The following GLIS3 variants were observed in gnomAD, a reference collection of about 807,000 sequenced individuals.
The protein encoded by GLIS3 is GLIS family zinc finger 3.
A neutral mutation model predicts 78.6 loss-of-function variants in GLIS3; 53 were observed. That is an observed-to-expected ratio of 0.67 (90% CI 0.54 to 0.85). The LOEUF (loss-of-function observed/expected upper bound fraction) is 0.85. Ranked by LOEUF, GLIS3 falls within the 40% of genes least tolerant of loss-of-function variation. GLIS3 has a pLI of 0.00. For synonymous variants in GLIS3, 684 were observed against 509.9 expected (o/e 1.34, Z -4.60); for missense variants, 1,703 against 1,231.1 (o/e 1.38, Z -5.74).
At chr9:3,833,228 C>G (rs905065487) in intron 9 of GLIS3, among the ~76,000 whole-genome samples, 3 of 152,170 alleles carry the variant, frequency 2.0e-5, no homozygotes, top group African/African-American at 7.2e-5. Flanking sequence ...TAACAGCCAA[C>G]TCAAGAAAAG....
rs575049367 is a variant in GLIS3 at position 3,967,387 on chromosome 9, C to T, written c.1711-30198G>A. ...GCGTGGTTGCACGTGCCTGTAGTCC[C>T]AGCTACTCAGGAGGCTAAGGCAGGA... On this transcript the variant is annotated intron_variant, in intron 4 of 10. Transcript: ENST00000381971. Among the ~76,000 whole-genome samples, 9 of 152,146 alleles carry T rather than the reference C, an allele frequency of 5.9e-5. No individual in the cohort carries two copies. In the East Asian group the frequency reaches 1.7e-3, roughly 29 times the overall value.
chr9:4,464,884 T>C, the GLIS3 span, among the ~76,000 whole-genome samples: 1 of 152,266 alleles, frequency 6.6e-6, no homozygotes, highest in East Asian at 1.9e-4. Flanking sequence ...GAAAGACACA[T>C]GTGAATATGA....
intron 4 of GLIS3, among the ~76,000 whole-genome samples, chr9:4,020,794 A>T (rs965278468): frequency 6.6e-6 from 1 of 152,248 alleles, no homozygotes; most frequent in Non-Finnish European, 1.5e-5. Flanking sequence ...AATTACCAGC[A>T]GCACACATGG....
At chr9:4,002,086 A>G (rs1482867269) in intron 4 of GLIS3, among the ~76,000 whole-genome samples, 1 of 152,228 alleles carries the variant, frequency 6.6e-6, no homozygotes, top group Admixed American at 6.5e-5. Context: ...GATTATCATT[A>G]TCCCAGATTA....
At chr9:4,447,820 C>G in the GLIS3 span, among the ~76,000 whole-genome samples, 1 of 152,370 alleles carries the variant, frequency 6.6e-6, no homozygotes, top group Non-Finnish European at 1.5e-5. Flanking sequence ...GTCCTCTGTT[C>G]AAAACCTAAG....
intron 6 of GLIS3, among the ~76,000 whole-genome samples, chr9:3,906,792 C>T (rs1823731517): frequency 6.6e-6 from 1 of 152,206 alleles, no homozygotes. Flanking sequence ...ACGCAAGTCT[C>T]AAAAGGCTAA....
intron 2 of GLIS3, among the ~76,000 whole-genome samples, chr9:4,242,315 A>T (rs1019520684): frequency 1.3e-5 from 2 of 152,264 alleles, no homozygotes; most frequent in Admixed American, 6.5e-5. Context: ...CGTGCCAACC[A>T]ATCTATAGAA....
the GLIS3 span, among the ~76,000 whole-genome samples, chr9:4,400,163 C>A: frequency 3.3e-5 from 5 of 152,130 alleles, no homozygotes; most frequent in African/African-American, 1.2e-4. Context: ...ATGGCTCTTC[C>A]CCTATCGCTT....
At chr9:4,446,791 A>G in the GLIS3 span, among the ~76,000 whole-genome samples, 12 of 151,674 alleles carry the variant, frequency 7.9e-5, no homozygotes, top group African/African-American at 2.9e-4. Context: ...GATTACAGGC[A>G]TGAGCCACTG....
the GLIS3 span, among the ~76,000 whole-genome samples, chr9:4,376,887 T>C: frequency 2.0e-4 from 27 of 134,658 alleles, 6 homozygotes; most frequent in South Asian, 7.5e-3. Flanking sequence ...TGCTTGCAAA[T>C]GCGCGTGTTC....
At chr9:4,182,229 T>G (rs1273100550) in intron 2 of GLIS3, among the ~76,000 whole-genome samples, 1 of 152,190 alleles carries the variant, frequency 6.6e-6, no homozygotes, top group African/African-American at 2.4e-5. Context: ...GACAAATAGT[T>G]TAACTGAGCA....
chr9:4,260,146 G>A (rs770976824), intron 2 of GLIS3, among the ~76,000 whole-genome samples: 1 of 152,190 alleles, frequency 6.6e-6, no homozygotes, highest in Non-Finnish European at 1.5e-5. Flanking sequence ...GTTCTTAAAA[G>A]ACTGACATTG....
chr9:4,020,295 T>C (rs1822776710), intron 4 of GLIS3, among the ~76,000 whole-genome samples: 1 of 152,058 alleles, frequency 6.6e-6, no homozygotes, highest in Non-Finnish European at 1.5e-5. Context: ...TCTGTTTGTT[T>C]TGTTTTTTTT....
intron 4 of GLIS3, among the ~76,000 whole-genome samples, chr9:4,016,608 T>C (rs1438178814): frequency 1.3e-5 from 2 of 152,180 alleles, no homozygotes; most frequent in Admixed American, 1.3e-4. Context: ...CTGAGCTTGT[T>C]TGCAATAACT....
In GLIS3 at chr9:4,347,409, C is replaced by T. The variant is rs115948181; in HGVS notation, n.162-226G>A. 6.9e-3 allele frequency among the ~76,000 whole-genome samples: 1,046 copies of T among 152,208 alleles called. 20 individuals are homozygous for T. The highest frequency in any genetic ancestry group is 0.023 in the African/African-American group (971 of 41,520). On this transcript the variant is annotated intron_variant and non_coding_transcript_variant, in intron 1 of 4. Coordinates refer to the GLIS3 transcript ENST00000471664. ...TCAACATGAAGTTTAGGAGGACAAA[C>T]ATCCAAACTATAGCAACCTGAAAAA...
chr9:4,383,502 A>G, the GLIS3 span, among the ~76,000 whole-genome samples: 6 of 152,214 alleles, frequency 3.9e-5, no homozygotes, highest in Non-Finnish European at 8.8e-5. Context: ...GCTGTTTAGT[A>G]ATTACTTCTA....
chr9:4,470,332 G>T, the GLIS3 span, among the ~76,000 whole-genome samples: 51,335 of 152,092 alleles, frequency 0.34, 9,841 homozygotes, highest in Middle Eastern at 0.48. Context: ...TATCCCCGAT[G>T]AATATCGAGG....
At chr9:4,309,684 T>C (rs1817312351) in intron 3 of GLIS3, among the ~76,000 whole-genome samples, 1 of 152,238 alleles carries the variant, frequency 6.6e-6, no homozygotes, top group African/African-American at 2.4e-5. Flanking sequence ...ATTTTAACTC[T>C]GAAAGTAGAA....
the GLIS3 span, among the ~76,000 whole-genome samples, chr9:4,442,382 C>A: frequency 6.6e-6 from 1 of 151,664 alleles, no homozygotes; most frequent in African/African-American, 2.4e-5. Flanking sequence ...TTTTGTTTAT[C>A]TTTTTGAAAG....
Sources: gnomAD v4.1 joint callset for allele counts (sites outside exome capture counted in the v4.1 genomes callset) on GRCh38, gnomAD v4.1.1 for gene constraint, MANE v1.5 for transcripts, NCBI Gene and HGNC (gene_info 2026-07-23, HGNC 2026-07-21) for gene names.